The following CLYBL variants were observed in gnomAD, a reference collection of about 807,000 sequenced individuals.
CLYBL encodes the protein citramalyl-CoA lyase, mitochondrial.
In CLYBL, 31 loss-of-function variants were observed where a neutral mutation model predicts 38.9. The ratio of observed to expected loss-of-function variants is 0.80; its 90% confidence interval spans 0.60 to 1.08. The LOEUF (loss-of-function observed/expected upper bound fraction) is 1.08. Ranked by LOEUF, CLYBL falls within the 50% of genes least tolerant of loss-of-function variation. The probability of loss-of-function intolerance (pLI) is 0.00; values close to 1 mark genes in which losing one functional copy is unlikely to be tolerated. For synonymous variants in CLYBL, 171 were observed against 158.6 expected (o/e 1.08, Z -0.59); for missense variants, 434 against 411.6 (o/e 1.05, Z -0.47).
At chr13:99,819,748 C>T (rs778324130) in intron 2 of CLYBL, among the ~76,000 whole-genome samples, 32 of 151,844 alleles carry the variant, frequency 2.1e-4, no homozygotes, top group Non-Finnish European at 3.7e-4. Flanking sequence ...TCAGGAAGAG[C>T]GAGAATTTGT....
rs141461071 is a variant in CLYBL, at chr13:99,855,073, C to T, written c.250-3788C>T. On this transcript the variant is annotated intron_variant, in intron 2 of 8. Transcript: ENST00000339105. ...TCTGGATCAAACATGATCCAGAACA[C>T]GCTATGGTAATTAGTCTCTTCGAAG... is the stretch of plus-strand genomic sequence containing the variant. Among the ~76,000 whole-genome samples the T allele has an allele frequency of 3.7e-3, 565 of 152,252 alleles. 2 individuals carry two copies. Among genetic ancestry groups the T allele is most frequent in the African/African-American group, 0.012 (519 of 41,526 alleles).
intron 1 of CLYBL, among the ~76,000 whole-genome samples, chr13:99,751,811 A>G (rs2048964188): frequency 6.6e-6 from 1 of 152,214 alleles, no homozygotes; most frequent in Admixed American, 6.5e-5. Flanking sequence ...TTCAGATGGT[A>G]AATTTTGCAT....
chr13:99,652,117 C>T (rs867920362), intron 1 of CLYBL, among the ~76,000 whole-genome samples: 3 of 152,186 alleles, frequency 2.0e-5, no homozygotes, highest in Non-Finnish European at 4.4e-5. Context: ...TGCCAGGGTG[C>T]TCAGTCTGTA....
downstream of CLYBL, among the ~76,000 whole-genome samples, chr13:99,898,913 T>C (rs546455118): frequency 3.9e-5 from 6 of 152,322 alleles, no homozygotes; most frequent in Admixed American, 1.3e-4. Flanking sequence ...CACACATCTC[T>C]GATCCCTCTC....
At chr13:99,881,113 T>C (rs1219204953) in intron 7 of CLYBL, among the ~76,000 whole-genome samples, 1 of 152,172 alleles carries the variant, frequency 6.6e-6, no homozygotes, top group Non-Finnish European at 1.5e-5. Flanking sequence ...TATGAATTAT[T>C]TAAAGGGCTT....
chr13:99,859,600 A>C (rs1299892281), intron 3 of CLYBL, among the ~76,000 whole-genome samples: 1 of 152,212 alleles, frequency 6.6e-6, no homozygotes, highest in African/African-American at 2.4e-5. Flanking sequence ...TATTTCCTGA[A>C]CAGTTCTCTA....
intron 1 of CLYBL, among the ~76,000 whole-genome samples, chr13:99,644,730 T>G (rs2047151868): frequency 6.6e-6 from 1 of 152,224 alleles, no homozygotes; most frequent in South Asian, 2.1e-4. Context: ...TTCAATTGTT[T>G]TAACTTTCAG....
At chr13:99,622,801 TAAA>T (rs952579576) in intron 1 of CLYBL, among the ~76,000 whole-genome samples, 81 of 77,518 alleles carry the variant, frequency 1.0e-3, no homozygotes, top group African/African-American at 2.7e-3. Context: ...GTTTATTTTT[TAAA>T]TTAAATTTAA....
chr13:99,868,773 T>G (rs1186566383), intron 6 of CLYBL, among the ~76,000 whole-genome samples: 1 of 152,196 alleles, frequency 6.6e-6, no homozygotes, highest in Non-Finnish European at 1.5e-5. Flanking sequence ...AATAAAGCTT[T>G]AACAGCTGAC....
chr13:99,777,192 G>T (rs1162781161), intron 2 of CLYBL, among the ~76,000 whole-genome samples: 1 of 151,864 alleles, frequency 6.6e-6, no homozygotes, highest in African/African-American at 2.4e-5. Context: ...AACCCAGTTC[G>T]TGAATTATAC....
chr13:99,819,039 TAATTTAAATTACACA>T (rs993263561), intron 2 of CLYBL, among the ~76,000 whole-genome samples: 15 of 152,252 alleles, frequency 9.9e-5, no homozygotes, highest in Admixed American at 9.8e-4. Flanking sequence ...TTCCAAGGTA[TAATTTAAATTACACA>T]AATTTAATAG....
At chr13:99,608,566 C>T (rs1594080057) in intron 1 of CLYBL, among the ~76,000 whole-genome samples, 1 of 152,170 alleles carries the variant, frequency 6.6e-6, no homozygotes, top group South Asian at 2.1e-4. Context: ...CCTTTTCTGG[C>T]GCCTTTTGAG....
chr13:99,618,719 C>G (rs2046751034), intron 1 of CLYBL, among the ~76,000 whole-genome samples: 2 of 152,170 alleles, frequency 1.3e-5, no homozygotes, highest in Non-Finnish European at 2.9e-5. Context: ...GTTCCCTTCC[C>G]CCCACCCAGC....
At chr13:99,725,467 T>C (rs1311630957) in intron 1 of CLYBL, among the ~76,000 whole-genome samples, 1 of 152,184 alleles carries the variant, frequency 6.6e-6, no homozygotes, top group Non-Finnish European at 1.5e-5. Flanking sequence ...CAGGATCAGG[T>C]AGAAAACTGG....
intron 1 of CLYBL, among the ~76,000 whole-genome samples, chr13:99,636,029 T>A (rs1107382): frequency 0.44 from 66,747 of 152,026 alleles, 14,977 homozygotes; most frequent in East Asian, 0.67. Context: ...GCTTAATGTT[T>A]GTAGAATTCA....
chr13:99,900,376 AAC>A (rs1363876365), downstream of CLYBL, among the ~76,000 whole-genome samples: 1 of 152,014 alleles, frequency 6.6e-6, no homozygotes, highest in African/African-American at 2.4e-5. Flanking sequence ...CGTTGTTATT[AAC>A]AGTCTCCTAG....
intron 2 of CLYBL, among the ~76,000 whole-genome samples, chr13:99,832,097 G>A (rs1326866762): frequency 1.3e-5 from 2 of 152,150 alleles, no homozygotes; most frequent in Non-Finnish European, 2.9e-5. Context: ...CAGTGTTTGC[G>A]GCAATATTGG....
intron 2 of CLYBL, among the ~76,000 whole-genome samples, chr13:99,787,163 C>T (rs1269795682): frequency 6.6e-6 from 1 of 152,086 alleles, no homozygotes; most frequent in African/African-American, 2.4e-5. Context: ...TGCCTGTTCA[C>T]TCTGATGGTA....
chr13:99,789,515 A>G (rs571422652), intron 2 of CLYBL, among the ~76,000 whole-genome samples: 4 of 152,326 alleles, frequency 2.6e-5, no homozygotes, highest in Admixed American at 2.6e-4. Context: ...GTTTTGAGTG[A>G]GTTTCTTAAT....
Sources: allele counts gnomAD v4.1 joint callset (sites outside exome capture counted in the v4.1 genomes callset), GRCh38; gene constraint gnomAD v4.1.1; transcripts MANE v1.5; gene names NCBI Gene and HGNC (gene_info 2026-07-23, HGNC 2026-07-21).